Variants in FLRT2 observed in about 807,000 individuals in gnomAD.
FLRT2 encodes the protein fibronectin leucine rich transmembrane protein 2.
Under a neutral mutation model 40.0 loss-of-function variants are expected in FLRT2, and 15 were observed. The ratio of observed to expected loss-of-function variants is 0.38; its 90% CI spans 0.25 to 0.58. The LOEUF (loss-of-function observed/expected upper bound fraction) is 0.58. FLRT2 is among the 20% of genes least tolerant of loss of function. The pLI is 0.71. For missense variants in FLRT2, 726 were observed against 840.0 expected (o/e 0.86, Z 1.68); for synonymous variants, 380 against 336.8 (o/e 1.13, Z -1.41).
intron 1 of FLRT2, among the ~76,000 whole-genome samples, chr14:85,560,597 A>C (rs1890245791): frequency 6.6e-6 from 1 of 151,826 alleles, no homozygotes; most frequent in Non-Finnish European, 1.5e-5. Flanking sequence ...AAATAAATAA[A>C]TAAAAGAAAT....
chr14:85,532,085 G>C (rs906008431), intron 1 of FLRT2, among the ~76,000 whole-genome samples: 10 of 152,256 alleles, frequency 6.6e-5, no homozygotes. Context: ...CTCAGGCTTT[G>C]AACTGAGGAC....
At chr14:85,583,100 GA>G (rs1891463873) in intron 1 of FLRT2, among the ~76,000 whole-genome samples, 1 of 152,024 alleles carries the variant, frequency 6.6e-6, no homozygotes, top group Non-Finnish European at 1.5e-5. Flanking sequence ...AGGACTCTAG[GA>G]ACTGTGTGCA....
chr14:85,540,346 A>G (rs2139808636), intron 1 of FLRT2, among the ~76,000 whole-genome samples: 1 of 152,288 alleles, frequency 6.6e-6, no homozygotes, highest in Non-Finnish European at 1.5e-5. Flanking sequence ...TGTTAGTGTC[A>G]TTAAACCCTG....
Position 85,621,919 on chromosome 14 carries a change from T to A in FLRT2, c.405T>A (p.Leu135=). The A allele has an allele frequency of 1.2e-6, 2 of 1,602,122 alleles. No homozygotes were observed. The highest frequency in any genetic ancestry group is 1.7e-6 in the Non-Finnish European group (2 of 1,173,384). Residue 135 remains leucine, a synonymous_variant, in exon 2 of 2, where the codon CTT becomes CTA. Coordinates refer to ENST00000330753, the MANE Select transcript of FLRT2 (RefSeq NM_013231.6). ...CTGCTCTTGCCCAGCTCTTGAAGCTTGAAGAGCTGCACCTGGATGACAACT... is the reference window on the plus strand; with the variant it reads ...CTGCTCTTGCCCAGCTCTTGAAGCTAGAAGAGCTGCACCTGGATGACAACT... The part of the protein sequence containing the change: ...SRAALAQLLK[L]EELHLDDNSI...
chr14:85,618,638 C>A (rs1409257790), intron 1 of FLRT2, among the ~76,000 whole-genome samples: 1 of 152,084 alleles, frequency 6.6e-6, no homozygotes, highest in Non-Finnish European at 1.5e-5. Flanking sequence ...GACTGTCTCC[C>A]GGGGACAAAA....
At position 85,651,110 on chromosome 14, in the gene FLRT2, T is replaced by A. The variant is rs547638611; in HGVS notation, c.*27613T>A. The A allele has an allele frequency of 1.3e-5, 2 of 152,266 alleles. No individual in the cohort carries two copies. Among genetic ancestry groups the A allele is most frequent in the East Asian group, 3.9e-4 (2 of 5,178 alleles). The allele number at this position is 152,266 out of a possible 1,614,324, so 9.4% of individuals were successfully genotyped here. A position where few individuals can be genotyped will look rare whatever the true frequency, so the allele number is the denominator to read the frequency against. Reference sequence around the variant, plus strand: ...GTAATTTTAAGTTAATATTCAGCTTTAAACTTTTCTAATTCAATTATCTTT... The same window carrying A: ...GTAATTTTAAGTTAATATTCAGCTTAAAACTTTTCTAATTCAATTATCTTT... On this transcript the variant is annotated 3_prime_UTR_variant, in exon 2 of 2. Coordinates refer to ENST00000330753, the MANE Select transcript of FLRT2 (RefSeq NM_013231.6).
intron 1 of FLRT2, among the ~76,000 whole-genome samples, chr14:85,555,198 C>T (rs1288846588): frequency 6.6e-6 from 1 of 152,098 alleles, no homozygotes; most frequent in Non-Finnish European, 1.5e-5. Context: ...GGTTAGCAGT[C>T]CTGATAACCT....
At chr14:85,613,014 A>AT (rs1264602619) in intron 1 of FLRT2, among the ~76,000 whole-genome samples, 1 of 151,936 alleles carries the variant, frequency 6.6e-6, no homozygotes, top group African/African-American at 2.4e-5. Context: ...GATTGAGTTT[A>AT]TTTTTTTCAT....
At chr14:85,531,041 T>A (rs1172693726) in intron 1 of FLRT2, 1 of 152,292 alleles carries the variant, frequency 6.6e-6, no homozygotes, top group Non-Finnish European at 1.5e-5. Context: ...ATGCGGTGGA[T>A]ACTAATTCCT....
chr14:85,571,500 C>T (rs761834735), intron 1 of FLRT2, among the ~76,000 whole-genome samples: 4 of 152,124 alleles, frequency 2.6e-5, no homozygotes, highest in African/African-American at 7.2e-5. Context: ...CTGTTCCCTT[C>T]GATTGACATG....
intron 1 of FLRT2, among the ~76,000 whole-genome samples, chr14:85,563,690 G>A (rs1212415889): frequency 6.6e-6 from 1 of 151,968 alleles, no homozygotes; most frequent in Admixed American, 6.6e-5. Context: ...TCCAATGTGG[G>A]GATTACAATT....
At chr14:85,604,672 T>C (rs1048877179) in intron 1 of FLRT2, among the ~76,000 whole-genome samples, 1 of 152,074 alleles carries the variant, frequency 6.6e-6, no homozygotes, top group Non-Finnish European at 1.5e-5. Flanking sequence ...TTTTTTTTGT[T>C]GTTGTTCTTA....
At chr14:85,562,134 A>C (rs1309416068) in intron 1 of FLRT2, among the ~76,000 whole-genome samples, 2 of 152,242 alleles carry the variant, frequency 1.3e-5, no homozygotes, top group Middle Eastern at 3.2e-3. Flanking sequence ...TAAAGCTATG[A>C]GTAAAACCTT....
At chr14:85,578,774 A>G (rs1020745380) in intron 1 of FLRT2, among the ~76,000 whole-genome samples, 1 of 152,174 alleles carries the variant, frequency 6.6e-6, no homozygotes, top group South Asian at 2.1e-4. Flanking sequence ...AAATGCACAC[A>G]CAAAAAAATC....
At chr14:85,592,418 G>A (rs1891932246) in intron 1 of FLRT2, among the ~76,000 whole-genome samples, 1 of 151,970 alleles carries the variant, frequency 6.6e-6, no homozygotes, top group Admixed American at 6.6e-5. Context: ...CCTGTTTGGT[G>A]GTAAATATAC....
rs189558679 is a variant in FLRT2, at chr14:85,631,015, A to G, written c.*7518A>G. The stretch of plus-strand genomic sequence containing the variant: ...ACTCTTTGTGTGACTTATGTATCCT[A>G]CTACATGTTGCTCCCTGACATTTCT... On this transcript the variant is annotated 3_prime_UTR_variant, in exon 2 of 2. Transcript: ENST00000330753. 4 of 150,222 alleles carry G rather than the reference A, an allele frequency of 2.7e-5. No homozygotes were observed. The highest frequency in any genetic ancestry group is 9.8e-5 in the African/African-American group (4 of 40,686). The allele number at this position is 150,222 out of a possible 1,614,324, so 9.3% of individuals were successfully genotyped here. A position where few individuals can be genotyped will look rare whatever the true frequency, so the allele number is the denominator to read the frequency against.
chr14:85,600,462 C>T (rs1011339405), intron 1 of FLRT2, among the ~76,000 whole-genome samples: 1 of 152,004 alleles, frequency 6.6e-6, no homozygotes, highest in African/African-American at 2.4e-5. Flanking sequence ...GGACTGCCCA[C>T]GTTTATGTGC....
At chr14:85,588,005 C>T (rs1244647529) in intron 1 of FLRT2, among the ~76,000 whole-genome samples, 1 of 151,922 alleles carries the variant, frequency 6.6e-6, no homozygotes, top group Non-Finnish European at 1.5e-5. Context: ...AATCTCAGCT[C>T]ACCGCAATCT....
At chr14:85,597,527 A>G (rs1892193065) in intron 1 of FLRT2, among the ~76,000 whole-genome samples, 1 of 152,174 alleles carries the variant, frequency 6.6e-6, no homozygotes, top group South Asian at 2.1e-4. Flanking sequence ...TAGAAGCTTG[A>G]TACTGGAAGT....
Sources: allele counts gnomAD v4.1 joint callset (sites outside exome capture counted in the v4.1 genomes callset), GRCh38; gene constraint gnomAD v4.1.1; transcripts MANE v1.5; gene names NCBI Gene and HGNC (gene_info 2026-07-23, HGNC 2026-07-21).